SINHCAF: variants seen among roughly 807,000 people sequenced by gnomAD.
SINHCAF encodes the protein SIN3-HDAC complex-associated factor.
A neutral mutation model predicts 25.8 loss-of-function variants in SINHCAF; 3 were observed. The observed-to-expected ratio is 0.12, with a 90% CI of 0.05 to 0.30. SINHCAF has a LOEUF of 0.30. Ranked by LOEUF, SINHCAF falls within the 10% of genes least tolerant of loss-of-function variation. The pLI is 1.00. For synonymous variants in SINHCAF, 70 were observed against 85.5 expected, an observed-to-expected ratio of 0.82 and a Z score of 1.00; for missense variants, 121 against 262.3, an observed-to-expected ratio of 0.46 and a Z score of 3.72.
intron 5 of SINHCAF, among the ~76,000 whole-genome samples, chr12:31,286,692 T>C (rs564437804): frequency 6.7e-6 from 1 of 149,032 alleles, no homozygotes; most frequent in South Asian, 2.1e-4. Context: ...AAACTGTCAA[T>C]GTGGTAAATT....
chr12:31,323,536 C>T (rs1289803961), intron 1 of SINHCAF, among the ~76,000 whole-genome samples: 1 of 152,058 alleles, frequency 6.6e-6, no homozygotes, highest in Non-Finnish European at 1.5e-5. Context: ...AGAGTAAATC[C>T]TAATCTTCCG....
chr12:31,323,616 C>A (rs537767753), intron 1 of SINHCAF, among the ~76,000 whole-genome samples: 1 of 152,230 alleles, frequency 6.6e-6, no homozygotes, highest in South Asian at 2.1e-4. Flanking sequence ...TCATAGTTAC[C>A]AGAACAAACT....
chr12:31,310,096 G>C (rs1396189461), intron 1 of SINHCAF, among the ~76,000 whole-genome samples: 1 of 152,156 alleles, frequency 6.6e-6, no homozygotes, highest in Non-Finnish European at 1.5e-5. Flanking sequence ...TTTCAATCCA[G>C]AAGGTTAAAC....
chr12:31,286,279 A>C (rs1425786451), intron 5 of SINHCAF, among the ~76,000 whole-genome samples: 1 of 152,156 alleles, frequency 6.6e-6, no homozygotes, highest in East Asian at 1.9e-4. Context: ...ATTTTGCTAA[A>C]ACTTTTTTTT....
intron 1 of SINHCAF, among the ~76,000 whole-genome samples, chr12:31,298,914 C>G (rs1938659311): frequency 6.6e-6 from 1 of 152,156 alleles, no homozygotes; most frequent in East Asian, 1.9e-4. Context: ...TGTCTGACCG[C>G]TGATCTGCCC....
intron 4 of SINHCAF, among the ~76,000 whole-genome samples, chr12:31,291,668 G>A (rs893931342): frequency 6.6e-6 from 1 of 152,184 alleles, no homozygotes; most frequent in African/African-American, 2.4e-5. Context: ...GGAGGCTGAG[G>A]CAGGAGAATC....
chr12:31,309,750 C>CCG (rs1411054395), intron 1 of SINHCAF, among the ~76,000 whole-genome samples: 1 of 150,456 alleles, frequency 6.6e-6, no homozygotes, highest in Non-Finnish European at 1.5e-5. Flanking sequence ...ACCGCAACCT[C>CCG]CGCCTCCCAG....
Position 31,325,952 on chromosome 12 carries a change from G to GAAA in SINHCAF, c.-21+69_-21+71dup. On this transcript the variant is annotated intron_variant, in intron 1 of 5. Transcript: ENST00000337682. This position sits in a 1 kb window ranked among gnomAD's most constrained non-coding sequence, Gnocchi z 5.9. ...GGGGAGGTGGGTGGAGGTGAAAAGA[G>GAAA]AAAAAAAAAAACACTGAAATCAAAG... 7.0e-6 allele frequency: 1 copy of GAAA among 143,200 alleles called. No individual in the cohort carries two copies. Among genetic ancestry groups the GAAA allele is most frequent in the Non-Finnish European group, 1.5e-5 (1 of 65,050 alleles). The allele number at this position is 143,200 out of a possible 1,614,324, so 8.9% of individuals were successfully genotyped here.
intron 1 of SINHCAF, among the ~76,000 whole-genome samples, chr12:31,319,109 G>A (rs887584144): frequency 2.5e-4 from 38 of 152,302 alleles, no homozygotes; most frequent in African/African-American, 8.9e-4. Context: ...CCTCTATGAA[G>A]CTGTTCTCCC....
chr12:31,300,054 T>C (rs1479467799), intron 1 of SINHCAF, among the ~76,000 whole-genome samples: 1 of 152,318 alleles, frequency 6.6e-6, no homozygotes, highest in Non-Finnish European at 1.5e-5. Flanking sequence ...TTGTGTGACA[T>C]ATGGCTGTAT....
intron 1 of SINHCAF, among the ~76,000 whole-genome samples, chr12:31,316,897 G>GTGTTA (rs1284773091): frequency 6.6e-6 from 1 of 152,110 alleles, no homozygotes; most frequent in Non-Finnish European, 1.5e-5. Flanking sequence ...CTTTATAAGG[G>GTGTTA]TGTTAACTCA....
intron 1 of SINHCAF, among the ~76,000 whole-genome samples, chr12:31,321,126 A>G (rs114608748): frequency 1.6e-3 from 246 of 152,328 alleles, no homozygotes; most frequent in African/African-American, 5.6e-3. Flanking sequence ...GATTATTTCC[A>G]TAATACAGAA....
rs1174344924 is a variant in SINHCAF, at chr12:31,325,314, C to T, written c.-21+710G>A. 2.2e-6 allele frequency: 1 copy of T among 445,298 alleles called. No homozygotes were observed. Among genetic ancestry groups the T allele is most frequent in the South Asian group, 1.6e-5 (1 of 63,444 alleles). 27.6% of individuals were successfully genotyped at this position (445,298 alleles called of 1,614,324 possible). On this transcript the variant is annotated intron_variant, in intron 1 of 5. Coordinates refer to ENST00000337682, the MANE Select transcript of SINHCAF (RefSeq NM_001135812.2). The surrounding 1 kb of genome is among the most constrained non-coding windows in gnomAD (Gnocchi z 5.9). ...AGAGGGCAGGCGAGTGGAAGACGGG[C>T]TGTTTTTAAGCGACCGCGTGTTGCT...
chr12:31,323,512 C>A (rs1166432209), intron 1 of SINHCAF, among the ~76,000 whole-genome samples: 1 of 152,068 alleles, frequency 6.6e-6, no homozygotes. Context: ...CGGATAGGGT[C>A]CCTGTTTAAC....
In SINHCAF at chr12:31,282,886, G is replaced by A; in HGVS notation, c.507-15C>T. ...ATATCTTCTGTCTAAAAGAAAAAATGGAGAACAAGATACATTAATAAGGAA... is the reference window on the plus strand; with the variant it reads ...ATATCTTCTGTCTAAAAGAAAAAATAGAGAACAAGATACATTAATAAGGAA... On this transcript the variant is annotated splice_polypyrimidine_tract_variant and intron_variant, in intron 5 of 5. Transcript: ENST00000337682. The A allele has an allele frequency of 1.3e-6, 2 of 1,579,224 alleles. No individual in the cohort carries two copies. The highest frequency in any genetic ancestry group is 2.3e-5 in the South Asian group (2 of 85,616).
rs544488676 is a variant in SINHCAF at position 31,280,997 on chromosome 12, AAAG to A, written c.*1712_*1714del. The stretch of plus-strand genomic sequence containing the variant: ...GCTTGTAGCATGTAGGTTTTTTCCA[AAAG>A]AAGGAAATATAAAATGTTTAGATTA... On this transcript the variant is annotated 3_prime_UTR_variant, in exon 6 of 6. Transcript: ENST00000337682. 410 of 152,288 alleles carry A rather than the reference AAAG, an allele frequency of 2.7e-3. 2 individuals are homozygous for A. The highest frequency in any genetic ancestry group is 9.2e-3 in the African/African-American group (384 of 41,576). The allele number at this position is 152,288 out of a possible 1,614,324, so 9.4% of individuals were successfully genotyped here.
At chr12:31,323,833 T>G (rs1050057861) in intron 1 of SINHCAF, 18 of 424,354 alleles carry the variant, frequency 4.2e-5, no homozygotes, top group Non-Finnish European at 8.2e-5. Flanking sequence ...CTGGGTCCCC[T>G]GGACTTGCGG....
At chr12:31,295,392 G>A (rs1032035094) in intron 2 of SINHCAF, 59 bp from the exon 3 acceptor site, 1 of 1,151,020 alleles carries the variant, frequency 8.7e-7, no homozygotes, top group Admixed American at 2.0e-5. Context: ...ATTCATGCAA[G>A]CACATTTCTT....
intron 1 of SINHCAF, chr12:31,303,848 A>G (rs1342201669): frequency 6.6e-6 from 1 of 152,218 alleles, no homozygotes; most frequent in Non-Finnish European, 1.5e-5. Flanking sequence ...AGAAATAGGA[A>G]GCCAATTAAA....
Sources: allele counts gnomAD v4.1 joint callset (sites outside exome capture counted in the v4.1 genomes callset), GRCh38; gene constraint gnomAD v4.1.1; non-coding constraint Gnocchi (gnomAD v3.1); transcripts MANE v1.5; gene names NCBI Gene and HGNC (gene_info 2026-07-23, HGNC 2026-07-21).